LPCAT1: variants seen among roughly 807,000 people sequenced by gnomAD.
LPCAT1 encodes the protein 1-acylglycerol-3-phosphate O-acyltransferase.
In LPCAT1, 23 loss-of-function variants were observed where a neutral mutation model predicts 60.9. The ratio of observed to expected loss-of-function variants is 0.38; its 90% confidence interval spans 0.27 to 0.53. The LOEUF (loss-of-function observed/expected upper bound fraction) is 0.53. LPCAT1 is among the 20% of genes least tolerant of loss of function. The probability of loss-of-function intolerance (pLI) is 0.82; values close to 1 mark genes in which losing one functional copy is unlikely to be tolerated. For synonymous variants in LPCAT1, 340 were observed against 301.1 expected (o/e 1.13, Z -1.34); for missense variants, 622 against 723.6 (o/e 0.86, Z 1.61).
At position 1,469,107 on chromosome 5, in the gene LPCAT1, C is replaced by T. The variant is rs149718091; in HGVS notation, c.1278+1719G>A. 2.3e-3 allele frequency among the ~76,000 whole-genome samples: 355 copies of T among 152,306 alleles called. 3 individuals carry two copies. Among genetic ancestry groups the T allele is most frequent in the African/African-American group, 8.0e-3 (332 of 41,562 alleles). On this transcript the variant is annotated intron_variant, in intron 12 of 13. Transcript: ENST00000283415. Reference sequence around the variant, plus strand: ...GGAGCTGCTGAGGGTGGAGGTGAGGCGGGACCCTGGTGTCGCCGTGGGGAC... The same window carrying T: ...GGAGCTGCTGAGGGTGGAGGTGAGGTGGGACCCTGGTGTCGCCGTGGGGAC...
At chr5:1,512,035 G>T (rs766179554) in intron 1 of LPCAT1, among the ~76,000 whole-genome samples, 12 of 152,196 alleles carry the variant, frequency 7.9e-5, no homozygotes, top group Non-Finnish European at 1.0e-4. Flanking sequence ...GGCCAGGCAA[G>T]GAGGCTCCAC....
At chr5:1,465,115 TGCACACACAC>T (rs1259425807) in intron 13 of LPCAT1, among the ~76,000 whole-genome samples, 3 of 121,688 alleles carry the variant, frequency 2.5e-5, no homozygotes, top group Non-Finnish European at 3.5e-5. Flanking sequence ...ACCACACACA[TGCACACACAC>T]ACAAAACAAG....
At chr5:1,508,976 G>A (rs1736269761) in intron 1 of LPCAT1, among the ~76,000 whole-genome samples, 1 of 152,282 alleles carries the variant, frequency 6.6e-6, no homozygotes, top group Non-Finnish European at 1.5e-5. Flanking sequence ...CCTCTCGTGT[G>A]CACTCACGCC....
intron 3 of LPCAT1, among the ~76,000 whole-genome samples, chr5:1,493,623 C>A (rs555484768): frequency 6.6e-6 from 1 of 152,210 alleles, no homozygotes; most frequent in Non-Finnish European, 1.5e-5. Context: ...GTGCTGATGG[C>A]GGCTGTGAAG....
intron 12 of LPCAT1, chr5:1,467,216 GC>G (rs1734452652): frequency 3.3e-6 from 1 of 305,788 alleles, no homozygotes; most frequent in Admixed American, 5.1e-5. Flanking sequence ...GAAGGGTCCT[GC>G]CTGGGCCACG....
At chr5:1,491,310 T>C (rs1432557122) in intron 3 of LPCAT1, among the ~76,000 whole-genome samples, 1 of 103,294 alleles carries the variant, frequency 9.7e-6, no homozygotes, top group Non-Finnish European at 2.4e-5. Context: ...CCCACTGTTT[T>C]GGCCAAAGCG....
At chr5:1,518,273 G>C (rs1736566365) in intron 1 of LPCAT1, among the ~76,000 whole-genome samples, 1 of 152,214 alleles carries the variant, frequency 6.6e-6, no homozygotes, top group Non-Finnish European at 1.5e-5. Context: ...AAAAAAAAGA[G>C]AAAAATATAA....
chr5:1,479,171 G>C (rs1387252600), intron 8 of LPCAT1, among the ~76,000 whole-genome samples: 2 of 152,232 alleles, frequency 1.3e-5, no homozygotes, highest in East Asian at 1.9e-4. Flanking sequence ...CAAGGCGGGA[G>C]GACTGCTTGA....
At chr5:1,474,351 G>A (rs1278203813) in intron 10 of LPCAT1, among the ~76,000 whole-genome samples, 2 of 152,238 alleles carry the variant, frequency 1.3e-5, no homozygotes, top group Non-Finnish European at 2.9e-5. Flanking sequence ...GACACAGGGT[G>A]GCCCTCCTGG....
chr5:1,483,372 G>T lies in LPCAT1; in HGVS notation c.726+56C>A. The T allele has an allele frequency of 3.2e-6, 5 of 1,569,842 alleles. No individual in the cohort carries two copies. Among genetic ancestry groups the T allele is most frequent in the Non-Finnish European group, 4.4e-6 (5 of 1,140,462 alleles). On this transcript the variant is annotated intron_variant, in intron 6 of 13. Transcript: ENST00000283415. This position sits in a 1 kb window ranked among gnomAD's most constrained non-coding sequence, Gnocchi z 9.2. ...CACAGGTGCACAGAGGCAGCTCGCA[G>T]TTCCCGTTTCCCGGAGAATTCCCCT...
At chr5:1,520,533 C>G (rs1408878133) in intron 1 of LPCAT1, among the ~76,000 whole-genome samples, 1 of 152,140 alleles carries the variant, frequency 6.6e-6, no homozygotes, top group Non-Finnish European at 1.5e-5. Flanking sequence ...TAAGTTCTTG[C>G]CAACTCTGGT....
intron 4 of LPCAT1, among the ~76,000 whole-genome samples, chr5:1,488,907 G>A (rs1735467309): frequency 6.6e-6 from 1 of 152,266 alleles, no homozygotes; most frequent in African/African-American, 2.4e-5. Flanking sequence ...CCCAGCAACG[G>A]GCTGGATGAG....
chr5:1,484,199 C>T (rs916193011), intron 5 of LPCAT1, among the ~76,000 whole-genome samples: 4 of 152,226 alleles, frequency 2.6e-5, no homozygotes, highest in African/African-American at 4.8e-5. Context: ...GGAGCCCCAG[C>T]GAGGCCCAGC....
At chr5:1,478,279 A>G (rs1027205188) in intron 8 of LPCAT1, among the ~76,000 whole-genome samples, 6 of 152,256 alleles carry the variant, frequency 3.9e-5, no homozygotes, top group Admixed American at 3.9e-4. Flanking sequence ...TTTCTCTAAT[A>G]CGGAATATTT....
At chr5:1,491,179 GC>G (rs1735563346) in intron 3 of LPCAT1, among the ~76,000 whole-genome samples, 1 of 102,474 alleles carries the variant, frequency 9.8e-6, no homozygotes, top group African/African-American at 3.4e-5. Context: ...TTTCATCCTT[GC>G]TCATTGGTTA....
chr5:1,508,023 C>T (rs950575872), intron 1 of LPCAT1, among the ~76,000 whole-genome samples: 14 of 152,236 alleles, frequency 9.2e-5, no homozygotes, highest in African/African-American at 2.2e-4. Flanking sequence ...CTCCACCTTG[C>T]GAGGACACAG....
Position 1,466,785 on chromosome 5 carries a change from C to T in LPCAT1, c.1384G>A (p.Ala462Thr). 2.5e-6 allele frequency: 4 copies of T among 1,612,942 alleles called. No individual in the cohort carries two copies. The highest frequency in any genetic ancestry group is 2.5e-6 in the Non-Finnish European group (3 of 1,179,356). The change falls in exon 13 of 14, where the codon GCC becomes ACC. Residue 462 changes from alanine (A) to threonine (T), a missense_variant. Ala to Thr is a moderately conservative substitution (Grantham distance 58). This residue lies in a region of LPCAT1 where 288 missense variants were observed against 283.6 expected (regional missense o/e 1.02). Coordinates refer to ENST00000283415, the MANE Select transcript of LPCAT1 (RefSeq NM_024830.5). ...AELTVTDLFR[A>T]IDQEEKGKIT... is the part of the protein sequence containing the mutation. The stretch of plus-strand genomic sequence containing the variant: ...TTCCCCTTCTCCTCTTGGTCAATGG[C>T]TCGGAATAGGTCGGTCACGGTGAGC...
At chr5:1,464,874 TACAC>T (rs1553991872) in intron 13 of LPCAT1, among the ~76,000 whole-genome samples, 4 of 66,210 alleles carry the variant, frequency 6.0e-5, no homozygotes, top group East Asian at 3.6e-4. Flanking sequence ...CACATGCGTG[TACAC>T]ACAAACAAGT....
At position 1,476,583 on chromosome 5, in the gene LPCAT1, C is replaced by T. The variant is rs1253826662; in HGVS notation, c.899+821G>A. ...CTGCAGCAGGAGCCTGGGGGTGGGG[C>T]CGGTGGACCGAGGCTGATGTGGCTT... On this transcript the variant is annotated intron_variant, in intron 9 of 13. Coordinates refer to ENST00000283415, the MANE Select transcript of LPCAT1 (RefSeq NM_024830.5). This position sits in a 1 kb window ranked among gnomAD's most constrained non-coding sequence, Gnocchi z 8.6. 6.6e-6 allele frequency among the ~76,000 whole-genome samples: 1 copy of T among 152,138 alleles called. No individual in the cohort carries two copies. The highest frequency in any genetic ancestry group is 1.5e-5 in the Non-Finnish European group (1 of 68,024).
Sources: allele counts gnomAD v4.1 joint callset (sites outside exome capture counted in the v4.1 genomes callset), GRCh38; gene constraint gnomAD v4.1.1; regional missense constraint gnomAD v4.1.1; non-coding constraint Gnocchi (gnomAD v3.1); transcripts MANE v1.5; gene names NCBI Gene and HGNC (gene_info 2026-07-23, HGNC 2026-07-21).